ANKS1A: variants seen among roughly 807,000 people sequenced by gnomAD.
The protein encoded by ANKS1A is ankyrin repeat and SAM domain-containing protein 1A.
ANKS1A carries 55 observed loss-of-function variants against 120.3 expected under a neutral mutation model. That is an observed-to-expected ratio of 0.46 (90% confidence interval 0.37 to 0.57). The LOEUF (loss-of-function observed/expected upper bound fraction) is 0.57. Among genes scored for constraint, ANKS1A ranks in the 20% least tolerant of loss-of-function variants. ANKS1A has a pLI of 0.00. For missense variants in ANKS1A, 1,123 were observed against 1,480.3 expected (o/e 0.76, Z 3.96); for synonymous variants, 590 against 604.7 (o/e 0.98, Z 0.36).
At position 35,032,515 on chromosome 6, in the gene ANKS1A, G is replaced by C. The variant is rs76425218; in HGVS notation, c.2010+14456G>C. On this transcript the variant is annotated intron_variant, in intron 11 of 23. Coordinates refer to ENST00000360359, the MANE Select transcript of ANKS1A (RefSeq NM_015245.3). ...GCCCTGCGGCTCCCCAGCCCCAAAC[G>C]GGTGCATAGAAAAAATGCAAGTCCT... 1.1e-3 allele frequency among the ~76,000 whole-genome samples: 161 copies of C among 152,214 alleles called. 2 individuals are homozygous for C. Among genetic ancestry groups the C allele is most frequent in the African/African-American group, 3.6e-3 (151 of 41,534 alleles).
At chr6:35,061,779 T>A (rs1776519944) in intron 13 of ANKS1A, among the ~76,000 whole-genome samples, 1 of 152,214 alleles carries the variant, frequency 6.6e-6, no homozygotes, top group Non-Finnish European at 1.5e-5. Context: ...CTCACCACGT[T>A]CCTCGGGGAA....
In ANKS1A at chr6:34,982,014, A is replaced by G. The variant is rs763090512; in HGVS notation, c.732+28A>G. 11 of 1,609,380 alleles carry G rather than the reference A, an allele frequency of 6.8e-6. No homozygotes were observed. The highest frequency in any genetic ancestry group is 8.5e-6 in the Non-Finnish European group (10 of 1,177,360). On this transcript the variant is annotated intron_variant, in intron 4 of 23. Transcript: ENST00000360359. This position sits in a 1 kb window ranked among gnomAD's most constrained non-coding sequence, Gnocchi z 4.9. Reference sequence around the variant, plus strand: ...AGCAGGGCGGGTGGGGGCTCCTCCAATCTCAAGAGACTCAGTCATTTTGCA... The same window carrying G: ...AGCAGGGCGGGTGGGGGCTCCTCCAGTCTCAAGAGACTCAGTCATTTTGCA...
chr6:34,937,138 G>T (rs1769294788), intron 1 of ANKS1A, among the ~76,000 whole-genome samples: 1 of 152,098 alleles, frequency 6.6e-6, no homozygotes, highest in Non-Finnish European at 1.5e-5. Context: ...AGTGCTGAAA[G>T]GCAGACTGAC....
Position 35,088,680 on chromosome 6 carries a change from C to T in ANKS1A, c.*71C>T. ...CATAGGCTCCCACTGCCACCACCGC[C>T]ATCGCCTCACCTGCAGCTCTGAAGA... On this transcript the variant is annotated 3_prime_UTR_variant, in exon 24 of 24. Transcript: ENST00000360359. The T allele has an allele frequency of 1.2e-6, 2 of 1,613,448 alleles. No homozygotes were observed. Among genetic ancestry groups the T allele is most frequent in the Non-Finnish European group, 1.7e-6 (2 of 1,179,568 alleles).
rs2127613745 is a variant in ANKS1A, at chr6:35,084,391, G to A, written c.3132+133G>A. ...CCTGGCAAATGTTTGGTTCATGAAT[G>A]GAGCCCAGCAGCACTCAGGCCGGTC... is the stretch of plus-strand genomic sequence containing the variant. On this transcript the variant is annotated intron_variant, in intron 21 of 23. Transcript: ENST00000360359. This position sits in a 1 kb window ranked among gnomAD's most constrained non-coding sequence, Gnocchi z 4.8. The A allele has an allele frequency of 1.5e-6, 2 of 1,293,634 alleles. No individual in the cohort carries two copies. The highest frequency in any genetic ancestry group is 1.5e-5 in the South Asian group (1 of 65,480). 80.1% of individuals were successfully genotyped at this position (1,293,634 alleles called of 1,614,324 possible). A position where few individuals can be genotyped will look rare whatever the true frequency, so the allele number is the denominator to read the frequency against.
intron 1 of ANKS1A, among the ~76,000 whole-genome samples, chr6:34,912,691 G>A (rs986260853): frequency 1.3e-5 from 2 of 152,162 alleles, no homozygotes. Flanking sequence ...AAGTCGATTG[G>A]GGTTAGAAAA....
chr6:34,963,059 G>A (rs1286592487), intron 1 of ANKS1A, among the ~76,000 whole-genome samples: 1 of 151,280 alleles, frequency 6.6e-6, no homozygotes, highest in Non-Finnish European at 1.5e-5. Flanking sequence ...GCGGGGTTTC[G>A]CCTTGTTGGC....
intron 10 of ANKS1A, among the ~76,000 whole-genome samples, chr6:35,016,828 A>G (rs1774032144): frequency 1.3e-5 from 2 of 150,018 alleles, no homozygotes; most frequent in South Asian, 4.2e-4. Flanking sequence ...AGGAAGGATG[A>G]GGCGTGGAAC....
chr6:35,084,017 T>C lies in ANKS1A; in HGVS notation c.2995-104T>C, dbSNP rs950313341. 9.2e-6 allele frequency: 14 copies of C among 1,524,368 alleles called. No homozygotes were observed. The African/African-American group carries it at 1.5e-4, about 16-fold the overall frequency. 94.4% of individuals were successfully genotyped at this position (1,524,368 alleles called of 1,614,324 possible). A position where few individuals can be genotyped will look rare whatever the true frequency, so the allele number is the denominator to read the frequency against. ...AGATGAAGGGGGGTTTGCTTGATGC[T>C]CTAGGCTGGGACAGAGAACAGTGAC... On this transcript the variant is annotated intron_variant, in intron 20 of 23. Transcript: ENST00000360359. The surrounding 1 kb of genome is among the most constrained non-coding windows in gnomAD (Gnocchi z 4.8).
At chr6:34,966,670 A>G (rs1378897743) in intron 1 of ANKS1A, among the ~76,000 whole-genome samples, 2 of 152,246 alleles carry the variant, frequency 1.3e-5, no homozygotes, top group Non-Finnish European at 2.9e-5. Context: ...GTAACATTTC[A>G]GCTTCCCTCC....
chr6:34,991,524 G>T, intron 9 of ANKS1A, among the ~76,000 whole-genome samples: 1 of 137,922 alleles, frequency 7.3e-6, no homozygotes, highest in African/African-American at 2.8e-5. Context: ...CCACATAGCC[G>T]GGAAAAAAAA....
rs1262681146 is a variant in ANKS1A at position 34,962,204 on chromosome 6, G to A, written c.198-5035G>A. Among the ~76,000 whole-genome samples the A allele has an allele frequency of 4.6e-5, 7 of 152,152 alleles. No homozygotes were observed. In the East Asian group the frequency reaches 1.2e-3, roughly 25 times the overall value. Reference sequence around the variant, plus strand: ...GAGATTTAATTGCATTTAGCTTCTTGTTTAGAAAGTGCTATAGAAGTTCAG... The same window carrying A: ...GAGATTTAATTGCATTTAGCTTCTTATTTAGAAAGTGCTATAGAAGTTCAG... On this transcript the variant is annotated intron_variant, in intron 1 of 23. Coordinates refer to ENST00000360359, the MANE Select transcript of ANKS1A (RefSeq NM_015245.3).
chr6:34,914,086 T>A (rs1314709318), intron 1 of ANKS1A, among the ~76,000 whole-genome samples: 2 of 150,166 alleles, frequency 1.3e-5, no homozygotes, highest in Non-Finnish European at 3.0e-5. Context: ...CCCAGCTAAT[T>A]TTGTTTTTGT....
At chr6:35,063,917 C>T (rs1004346710) in intron 13 of ANKS1A, among the ~76,000 whole-genome samples, 1 of 152,204 alleles carries the variant, frequency 6.6e-6, no homozygotes, top group Non-Finnish European at 1.5e-5. Context: ...CAACCTCGAA[C>T]CTCTGGGTTC....
chr6:35,022,831 TTACCTAA>T (rs1262146730), intron 11 of ANKS1A, among the ~76,000 whole-genome samples: 1 of 152,232 alleles, frequency 6.6e-6, no homozygotes, highest in Non-Finnish European at 1.5e-5. Context: ...TTTGCTTTTC[TTACCTAA>T]TAACTGCACG....
At chr6:34,924,749 C>A (rs997549682) in intron 1 of ANKS1A, among the ~76,000 whole-genome samples, 1 of 152,178 alleles carries the variant, frequency 6.6e-6, no homozygotes, top group Non-Finnish European at 1.5e-5. Flanking sequence ...TTCCTGATTT[C>A]AGGAGTCCTT....
chr6:34,969,690 A>C (rs1248927904), intron 2 of ANKS1A, among the ~76,000 whole-genome samples: 2 of 152,248 alleles, frequency 1.3e-5, no homozygotes, highest in Non-Finnish European at 2.9e-5. Context: ...ATGCTGTTTA[A>C]ACATGATAAA....
At chr6:34,985,413 T>G in intron 8 of ANKS1A, 135 bp downstream of exon 8, 1 of 790,864 alleles carries the variant, frequency 1.3e-6, no homozygotes, top group Non-Finnish European at 2.0e-6. Flanking sequence ...ACTTATTCTC[T>G]TCTTCATGGG....
At chr6:34,899,069 T>C (rs1767226677) in intron 1 of ANKS1A, among the ~76,000 whole-genome samples, 1 of 152,210 alleles carries the variant, frequency 6.6e-6, no homozygotes, top group Non-Finnish European at 1.5e-5. Flanking sequence ...ATATTCAAAT[T>C]GCACCTCAAA....
Sources: allele counts gnomAD v4.1 joint callset (sites outside exome capture counted in the v4.1 genomes callset), GRCh38; gene constraint gnomAD v4.1.1; non-coding constraint Gnocchi (gnomAD v3.1); transcripts MANE v1.5; gene names NCBI Gene and HGNC (gene_info 2026-07-23, HGNC 2026-07-21).